The following KCNQ5 variants were observed in gnomAD, a reference collection of about 807,000 sequenced individuals.
The protein encoded by KCNQ5 is potassium voltage-gated channel subfamily Q member 5.
Under a neutral mutation model 98.2 loss-of-function variants are expected in KCNQ5, and 30 were observed. The observed-to-expected ratio is 0.31, with a 90% CI of 0.23 to 0.41. The LOEUF is 0.41. KCNQ5 is among the 10% of genes least tolerant of loss of function. KCNQ5 has a pLI of 1.00. For synonymous variants in KCNQ5, 458 were observed against 449.4 expected, an observed-to-expected ratio of 1.02 and a Z score of -0.24; for missense variants, 835 against 1,182.5, an observed-to-expected ratio of 0.71 and a Z score of 4.31.
At position 72,826,084 on chromosome 6, in the gene KCNQ5, G is replaced by C. The variant is rs957599046; in HGVS notation, c.399-177824G>C. Among the ~76,000 whole-genome samples the C allele has an allele frequency of 3.3e-5, 5 of 152,092 alleles. No individual in the cohort carries two copies. The South Asian group carries it at 1.0e-3, about 32-fold the overall frequency. On this transcript the variant is annotated intron_variant, in intron 1 of 13. Coordinates refer to ENST00000370398, the MANE Select transcript of KCNQ5 (RefSeq NM_019842.4). ...CATTTCCCTTCATCCACAGCAAGGAGCTTCAGCTCTGGAGACTGTAATTTG... is the reference window on the plus strand; with the variant it reads ...CATTTCCCTTCATCCACAGCAAGGACCTTCAGCTCTGGAGACTGTAATTTG...
At chr6:73,139,527 T>G (rs1222143488) in intron 10 of KCNQ5, among the ~76,000 whole-genome samples, 2 of 152,202 alleles carry the variant, frequency 1.3e-5, no homozygotes, top group Non-Finnish European at 2.9e-5. Context: ...TCAAATATTC[T>G]GTCTATATGT....
chr6:72,910,455 C>G (rs147043444), intron 1 of KCNQ5, among the ~76,000 whole-genome samples: 85 of 152,042 alleles, frequency 5.6e-4, no homozygotes, highest in African/African-American at 2.0e-3. Context: ...TGCCTATGGA[C>G]CATTCTCTTA....
rs149996640 is a variant in KCNQ5 at position 73,118,650 on chromosome 6, T to C, written c.1126-1833T>C. Among the ~76,000 whole-genome samples, 43 of 152,352 alleles carry C rather than the reference T, an allele frequency of 2.8e-4. No homozygotes were observed. The East Asian group carries it at 8.1e-3, about 29-fold the overall frequency. On this transcript the variant is annotated intron_variant, in intron 7 of 13. Transcript: ENST00000370398. The stretch of plus-strand genomic sequence containing the variant: ...AATGATATTCTCAGGAAAAGGAATA[T>C]TGTTAGATCACATTTTCTTCATTAT...
intron 1 of KCNQ5, among the ~76,000 whole-genome samples, chr6:72,999,425 G>A (rs528145539): frequency 6.6e-6 from 1 of 152,266 alleles, no homozygotes; most frequent in Non-Finnish European, 1.5e-5. Flanking sequence ...GACTGTTTCA[G>A]GCAAAATAAA....
At chr6:72,876,865 G>A (rs924891859) in intron 1 of KCNQ5, among the ~76,000 whole-genome samples, 15 of 152,112 alleles carry the variant, frequency 9.9e-5, no homozygotes, top group South Asian at 8.3e-4. Context: ...GGATTATGGC[G>A]AGAGATTTGA....
intron 1 of KCNQ5, among the ~76,000 whole-genome samples, chr6:72,885,814 G>A (rs9351953): frequency 0.6 from 91,200 of 151,992 alleles, 28,040 homozygotes; most frequent in East Asian, 0.79. Context: ...CTGCTTAAGG[G>A]CAATTGCTGC....
intron 5 of KCNQ5, among the ~76,000 whole-genome samples, chr6:73,099,330 A>C (rs893359312): frequency 6.6e-6 from 1 of 152,156 alleles, no homozygotes; most frequent in Non-Finnish European, 1.5e-5. Flanking sequence ...ACTGAATATA[A>C]ATGGATTAAA....
chr6:73,149,620 AC>A (rs1777063899), intron 10 of KCNQ5, among the ~76,000 whole-genome samples: 1 of 152,042 alleles, frequency 6.6e-6, no homozygotes, highest in Non-Finnish European at 1.5e-5. Context: ...ACATGGTGAA[AC>A]CCTGTCTCTA....
chr6:72,890,969 T>A (rs1779035006), intron 1 of KCNQ5, among the ~76,000 whole-genome samples: 1 of 152,190 alleles, frequency 6.6e-6, no homozygotes, highest in Non-Finnish European at 1.5e-5. Flanking sequence ...GTGGAAGAAT[T>A]TTGGGAAATG....
chr6:72,900,340 A>C (rs1183094815), intron 1 of KCNQ5, among the ~76,000 whole-genome samples: 3 of 149,084 alleles, frequency 2.0e-5, no homozygotes, highest in African/African-American at 7.4e-5. Context: ...ATATATATAT[A>C]TCTCATCCTA....
intron 1 of KCNQ5, among the ~76,000 whole-genome samples, chr6:72,845,450 G>T (rs1324968859): frequency 6.6e-6 from 1 of 152,152 alleles, no homozygotes; most frequent in Admixed American, 6.5e-5. Flanking sequence ...ATTTTCAAAA[G>T]AATGGTAGCA....
intron 10 of KCNQ5, among the ~76,000 whole-genome samples, chr6:73,145,948 T>G (rs548299304): frequency 6.6e-6 from 1 of 152,052 alleles, no homozygotes; most frequent in African/African-American, 2.4e-5. Flanking sequence ...AATGAGAAAG[T>G]GAGAGTGAAG....
At chr6:72,786,743 A>G (rs1423919632) in intron 1 of KCNQ5, among the ~76,000 whole-genome samples, 1 of 152,090 alleles carries the variant, frequency 6.6e-6, no homozygotes, top group Non-Finnish European at 1.5e-5. Flanking sequence ...GCGGTGGCTC[A>G]CGCCTGTAAT....
chr6:72,896,171 C>T (rs1196997240), intron 1 of KCNQ5, among the ~76,000 whole-genome samples: 1 of 152,126 alleles, frequency 6.6e-6, no homozygotes, highest in Admixed American at 6.5e-5. Context: ...ATGTCATATA[C>T]TTTCCTTGAA....
At chr6:73,142,238 G>A (rs1776749888) in intron 10 of KCNQ5, among the ~76,000 whole-genome samples, 2 of 152,144 alleles carry the variant, frequency 1.3e-5, no homozygotes, top group Non-Finnish European at 2.9e-5. Flanking sequence ...GTACAGTGTA[G>A]GCAGGGACTA....
chr6:72,920,098 T>C (rs1035202342), intron 1 of KCNQ5, among the ~76,000 whole-genome samples: 4 of 152,042 alleles, frequency 2.6e-5, no homozygotes, highest in Non-Finnish European at 5.9e-5. Context: ...GGTCGGGAGT[T>C]TGAGACCAGC....
chr6:72,883,822 A>C (rs1242902675), intron 1 of KCNQ5, among the ~76,000 whole-genome samples: 1 of 152,166 alleles, frequency 6.6e-6, no homozygotes, highest in East Asian at 1.9e-4. Context: ...AACAAAGAAT[A>C]CAAAAAGTAG....
chr6:72,885,566 A>T (rs1778815671), intron 1 of KCNQ5, among the ~76,000 whole-genome samples: 2 of 152,216 alleles, frequency 1.3e-5, no homozygotes, highest in African/African-American at 4.8e-5. Flanking sequence ...AGGAATATGT[A>T]CTCTGAAAAT....
intron 2 of KCNQ5, among the ~76,000 whole-genome samples, chr6:73,037,201 T>A (rs1371632289): frequency 1.3e-5 from 2 of 152,180 alleles, no homozygotes; most frequent in African/African-American, 4.8e-5. Flanking sequence ...CTTTGCCAAT[T>A]TTCTAATTGA....
Sources: gnomAD v4.1 joint callset for allele counts (sites outside exome capture counted in the v4.1 genomes callset) on GRCh38, gnomAD v4.1.1 for gene constraint, MANE v1.5 for transcripts, NCBI Gene and HGNC (gene_info 2026-07-23, HGNC 2026-07-21) for gene names.